Variants in DTX2 observed in about 807,000 individuals in gnomAD.
DTX2 encodes the protein probable E3 ubiquitin-protein ligase DTX2.
In DTX2, 29 loss-of-function variants were observed where a neutral mutation model predicts 55.3. The ratio of observed to expected loss-of-function variants is 0.52; its 90% CI spans 0.39 to 0.71. The LOEUF (loss-of-function observed/expected upper bound fraction) is 0.71, where lower values mean the gene tolerates loss of function less well. Ranked by LOEUF, DTX2 falls within the 30% of genes least tolerant of loss-of-function variation. The pLI, the probability that DTX2 is intolerant of heterozygous loss-of-function variation, is 0.00. For synonymous variants in DTX2, 276 were observed against 340.4 expected, an observed-to-expected ratio of 0.81 and a Z score of 2.08; for missense variants, 537 against 822.5, an observed-to-expected ratio of 0.65 and a Z score of 4.25.
intron 2 of DTX2, among the ~76,000 whole-genome samples, chr7:76,466,890 G>T (rs1397131247): frequency 6.6e-6 from 1 of 151,804 alleles, no homozygotes; most frequent in Non-Finnish European, 1.5e-5. Flanking sequence ...GAGGCACCGC[G>T]CCTGGCCTAT....
At chr7:76,477,799 TCTAAATAA>T in intron 2 of DTX2, among the ~76,000 whole-genome samples, 1 of 103,222 alleles carries the variant, frequency 9.7e-6, no homozygotes, top group Non-Finnish European at 1.9e-5. Context: ...AGACTCGGAC[TCTAAATAA>T]ATAAATAAAT....
chr7:76,502,275 G>A (rs1446331302), intron 7 of DTX2, 23 bp from the exon 8 acceptor site: 10 of 1,585,132 alleles, frequency 6.3e-6, no homozygotes, highest in Non-Finnish European at 8.6e-6. Flanking sequence ...TGGCGAGCAT[G>A]ACCCATGTTT....
At chr7:76,483,448 A>G (rs1362635713) in intron 4 of DTX2, among the ~76,000 whole-genome samples, 2 of 152,266 alleles carry the variant, frequency 1.3e-5, no homozygotes, top group African/African-American at 4.8e-5. Flanking sequence ...TGCGGGCTGC[A>G]TGGCGAGCAT....
chr7:76,471,717 A>G (rs1285186730), intron 2 of DTX2, among the ~76,000 whole-genome samples: 1 of 150,470 alleles, frequency 6.6e-6, no homozygotes, highest in Non-Finnish European at 1.5e-5. Flanking sequence ...TTACCATTAC[A>G]CATCCACTGC....
intron 1 of DTX2, among the ~76,000 whole-genome samples, chr7:76,463,233 A>G (rs1195285655): frequency 1.4e-5 from 2 of 145,220 alleles, no homozygotes; most frequent in African/African-American, 5.0e-5. Flanking sequence ...AGCCGAGATC[A>G]CGCCACTGCA....
intron 2 of DTX2, among the ~76,000 whole-genome samples, chr7:76,476,366 C>T (rs1241363174): frequency 3.6e-5 from 5 of 139,486 alleles, no homozygotes; most frequent in African/African-American, 1.4e-4. Flanking sequence ...ACGCAGTGGG[C>T]GTTTCTGGGC....
At chr7:76,491,716 C>G (rs1313189419) in intron 4 of DTX2, among the ~76,000 whole-genome samples, 21 of 113,242 alleles carry the variant, frequency 1.9e-4, no homozygotes, top group Admixed American at 5.4e-4. Context: ...CAGGGTCTCA[C>G]TCTGTCGCCC....
At position 76,505,399 on chromosome 7, in the gene DTX2, G is replaced by A; in HGVS notation, c.1667G>A (p.Trp556Ter). ...RKVLELLKVA[W>*]KRRLIFTVGT... ...GTCCTAGAGCTCCTGAAGGTGGCCT[G>A]GAAGAGGCGGCTCATCTTCACAGTG... Residue 556 changes from tryptophan to a stop codon, truncating the protein, a stop_gained, in exon 11 of 11, where the codon TGG (tryptophan) becomes TAG (stop). Coordinates refer to ENST00000430490, the MANE Select transcript of DTX2 (RefSeq NM_001102594.3). LOFTEE classifies it high-confidence loss of function. The surrounding 1 kb of genome is among the most constrained non-coding windows in gnomAD (Gnocchi z 4.4). The A allele has an allele frequency of 6.3e-7, 1 of 1,587,590 alleles. No homozygotes were observed. The highest frequency in any genetic ancestry group is 8.6e-7 in the Non-Finnish European group (1 of 1,167,440).
intron 4 of DTX2, among the ~76,000 whole-genome samples, chr7:76,486,898 A>T (rs1268728232): frequency 2.2e-5 from 1 of 44,940 alleles, no homozygotes; most frequent in African/African-American, 1.2e-4. Context: ...CCTTGCCTCT[A>T]AAAGAACTCA....
intron 4 of DTX2, among the ~76,000 whole-genome samples, chr7:76,484,702 C>G (rs1809718074): frequency 6.6e-6 from 1 of 152,146 alleles, no homozygotes; most frequent in Non-Finnish European, 1.5e-5. Context: ...GCTGAAACTT[C>G]ACAGGGTGGT....
In DTX2 at chr7:76,494,329, A is replaced by C. The variant is rs1390197477; in HGVS notation, c.1009+2076A>C. 2.2e-5 allele frequency among the ~76,000 whole-genome samples: 2 copies of C among 91,492 alleles called. 1 individual carries two copies. The highest frequency in any genetic ancestry group is 4.8e-5 in the Non-Finnish European group (2 of 42,092). 60.0% of individuals were successfully genotyped at this position (91,492 alleles called of 152,430 possible). A position where few individuals can be genotyped will look rare whatever the true frequency, so the allele number is the denominator to read the frequency against. On this transcript the variant is annotated intron_variant, in intron 5 of 10. Transcript: ENST00000430490. ...CACACTGGCCAGAAAGTCCCTGCCC[A>C]CTGAAGTCACCGTGCGGCGCCGTAG...
At chr7:76,499,623 C>A (rs1012389619) in intron 6 of DTX2, among the ~76,000 whole-genome samples, 18 of 147,294 alleles carry the variant, frequency 1.2e-4, no homozygotes, top group Non-Finnish European at 1.1e-4. Context: ...CCCTCTTTCA[C>A]CCCCGCACGG....
At position 76,482,659 on chromosome 7, in the gene DTX2, C is replaced by T; in HGVS notation, c.420C>T (p.Asn140=). ...TGGAGCAGCAGGTGGCCAGGGGCAA[C>T]CAGCTCGTGGACTTGGCCCCCCTGG... The part of the protein sequence containing the change: ...DYLEQQVARG[N]QLVDLAPLGY... The change falls in exon 4 of 11, where the codon AAC becomes AAT. Residue 140 remains asparagine (N), a synonymous_variant. Transcript: ENST00000430490. 3 of 1,613,826 alleles carry T rather than the reference C, an allele frequency of 1.9e-6. No homozygotes were observed. The highest frequency in any genetic ancestry group is 1.7e-6 in the Non-Finnish European group (2 of 1,179,804).
chr7:76,482,688 A>G lies in DTX2; in HGVS notation c.449A>G (p.Tyr150Cys). The G allele has an allele frequency of 6.2e-7, 1 of 1,613,742 alleles. No homozygotes were observed. Among genetic ancestry groups the G allele is most frequent in the Non-Finnish European group, 8.5e-7 (1 of 1,179,736 alleles). Residue 150 changes from tyrosine (Y) to cysteine (C), a missense_variant, in exon 4 of 11, where the codon TAC (tyrosine) becomes TGC (cysteine). Coordinates refer to ENST00000430490, the MANE Select transcript of DTX2 (RefSeq NM_001102594.3). ...NQLVDLAPLG[Y>C]NYTVNYTTHT... is the part of the protein sequence containing the mutation. ...CTCGTGGACTTGGCCCCCCTGGGGT[A>G]CAACTACACTGTCAACTACACCACC...
At position 76,483,097 on chromosome 7, in the gene DTX2, C is replaced by G; in HGVS notation, c.858C>G (p.His286Gln). Residue 286 changes from histidine to glutamine, a missense_variant, in exon 4 of 11, where the codon CAC becomes CAG. By Grantham distance (24) the His-to-Gln change is conservative (BLOSUM62 0). Transcript: ENST00000430490. ...CCCTCTACCGCTCCAGCCTCTCCCA[C>G]CTGGGACCGCAGCACCTGCCCCCAG... ...SQPLYRSSLS[H>Q]LGPQHLPPGS... The G allele has an allele frequency of 6.2e-7, 1 of 1,613,044 alleles. No individual in the cohort carries two copies. The highest frequency in any genetic ancestry group is 8.5e-7 in the Non-Finnish European group (1 of 1,179,798).
chr7:76,482,508 G>C lies in DTX2; in HGVS notation c.269G>C (p.Gly90Ala). 1.3e-6 allele frequency: 2 copies of C among 1,576,154 alleles called. No individual in the cohort carries two copies. Among genetic ancestry groups the C allele is most frequent in the Non-Finnish European group, 1.7e-6 (2 of 1,157,284 alleles). The stretch of plus-strand genomic sequence containing the variant: ...ACCTTTTGTTTTCCTTTGAAAATAG[G>C]CACCATGCGGGCTGTGCGGAGACAC... ...PSWTQFRQDT[G>A]TMRAVRRHLF... Residue 90 changes from glycine (G) to alanine (A), a missense_variant and splice_region_variant, in exon 4 of 11, where the codon GGC becomes GCC. Gly to Ala is a moderately conservative substitution (Grantham distance 60). Coordinates refer to ENST00000430490, the MANE Select transcript of DTX2 (RefSeq NM_001102594.3).
chr7:76,466,331 T>C (rs952078126), intron 2 of DTX2, among the ~76,000 whole-genome samples: 16 of 151,328 alleles, frequency 1.1e-4, no homozygotes, highest in Non-Finnish European at 1.9e-4. Flanking sequence ...TAGTAAGTTA[T>C]TTTTAATAAA....
chr7:76,483,521 G>C (rs1370196791), intron 4 of DTX2, among the ~76,000 whole-genome samples: 1 of 152,070 alleles, frequency 6.6e-6, no homozygotes, highest in Non-Finnish European at 1.5e-5. Flanking sequence ...AGGCCCTAAG[G>C]ACCCAGAGAC....
chr7:76,498,203 C>T (rs1811140237), intron 6 of DTX2, among the ~76,000 whole-genome samples: 1 of 151,958 alleles, frequency 6.6e-6, no homozygotes, highest in East Asian at 2.0e-4. Context: ...TCAGCAGGTC[C>T]TCTCGGAGCC....
Sources: allele counts gnomAD v4.1 joint callset (sites outside exome capture counted in the v4.1 genomes callset), GRCh38; gene constraint gnomAD v4.1.1; non-coding constraint Gnocchi (gnomAD v3.1); transcripts MANE v1.5; gene names NCBI Gene and HGNC (gene_info 2026-07-23, HGNC 2026-07-21).